The following LZTFL1 variants were observed in gnomAD, a reference collection of about 807,000 sequenced individuals.
The protein encoded by LZTFL1 is leucine zipper transcription factor-like protein 1.
A neutral mutation model predicts 45.9 loss-of-function variants in LZTFL1; 25 were observed. That is an observed-to-expected ratio of 0.54 (90% CI 0.40 to 0.76). The LOEUF (loss-of-function observed/expected upper bound fraction) is 0.76, where lower values mean the gene tolerates loss of function less well. Ranked by LOEUF, LZTFL1 falls within the 30% of genes least tolerant of loss-of-function variation. The pLI, the probability that LZTFL1 is intolerant of heterozygous loss-of-function variation, is 0.00. For synonymous variants in LZTFL1, 93 were observed against 117.4 expected (o/e 0.79, Z 1.35); for missense variants, 277 against 331.1 (o/e 0.84, Z 1.27).
chr3:45,835,735 C>CATTGAGGA lies in LZTFL1; in HGVS notation c.170_177dup (p.Gly60SerfsTer55). 1 of 1,614,064 alleles carries CATTGAGGA rather than the reference C, an allele frequency of 6.2e-7. No homozygotes were observed. Among genetic ancestry groups the CATTGAGGA allele is most frequent in the Non-Finnish European group, 8.5e-7 (1 of 1,179,988 alleles). ...TCACTATGAACCACAGCTTGTAATCCATTGAGGACTTCAGAGACTTCATCT... is the reference window on the plus strand; with the variant it reads ...TCACTATGAACCACAGCTTGTAATCCATTGAGGAATTGAGGACTTCAGAGACTTCATCT... On this transcript the variant is annotated frameshift_variant, in exon 3 of 10. Coordinates refer to ENST00000296135, the MANE Select transcript of LZTFL1 (RefSeq NM_020347.4). LOFTEE classifies it high-confidence loss of function.
intron 2 of LZTFL1, among the ~76,000 whole-genome samples, chr3:45,889,685 T>C (rs1231453120): frequency 1.3e-5 from 2 of 151,764 alleles, no homozygotes; most frequent in South Asian, 2.1e-4. Context: ...TGTCTTTTTC[T>C]ATTTTTTTTT....
chr3:45,830,683 T>C (rs1700789043), intron 7 of LZTFL1, among the ~76,000 whole-genome samples: 1 of 151,736 alleles, frequency 6.6e-6, no homozygotes, highest in Non-Finnish European at 1.5e-5. Flanking sequence ...AAACTGCAGG[T>C]GTGTGAGCTA....
At chr3:45,831,720 TCTC>T (rs1700825951) in intron 5 of LZTFL1, among the ~76,000 whole-genome samples, 2 of 152,128 alleles carry the variant, frequency 1.3e-5, no homozygotes, top group Admixed American at 1.3e-4. Flanking sequence ...CCTGTTCTGT[TCTC>T]CTGCCCAACA....
intron 2 of LZTFL1, among the ~76,000 whole-genome samples, chr3:45,890,152 C>T (rs1702103642): frequency 1.4e-5 from 2 of 147,526 alleles, no homozygotes; most frequent in South Asian, 4.2e-4. Flanking sequence ...ATTCTTTCTT[C>T]TTTTTGTGGT....
chr3:45,828,369 A>G, intron 8 of LZTFL1, 70 bp downstream of exon 8: 1 of 1,332,968 alleles, frequency 7.5e-7, no homozygotes, highest in Non-Finnish European at 1.0e-6. Context: ...TCTTAGCCAC[A>G]TGTATTCCTC....
At chr3:45,841,531 C>A (rs1701113571) in intron 1 of LZTFL1, among the ~76,000 whole-genome samples, 1 of 152,224 alleles carries the variant, frequency 6.6e-6, no homozygotes, top group Non-Finnish European at 1.5e-5. Context: ...GGTTACCGCG[C>A]GCGCGCGTGT....
Position 45,830,989 on chromosome 3 carries a change from G to C in LZTFL1, c.524C>G (p.Ala175Gly). The C allele has an allele frequency of 6.2e-7, 1 of 1,613,410 alleles. No homozygotes were observed. The highest frequency in any genetic ancestry group is 8.5e-7 in the Non-Finnish European group (1 of 1,179,458). The part of the protein sequence containing the change: ...KSRLKTIEIQ[A>G]TNALDEKSKL... ...TGACTTTTCATCCAGTGCATTTGTA[G>C]CCTATAGTGAAGTTTAAACAAAACA... Residue 175 changes from alanine (A) to glycine (G), a missense_variant and splice_region_variant, in exon 7 of 10, where the codon GCT (alanine) becomes GGT (glycine). Transcript: ENST00000296135.
In LZTFL1 at chr3:45,903,723, C is replaced by T. The variant is rs940982424; in HGVS notation, c.-215+9397G>A. Among the ~76,000 whole-genome samples, 14 of 152,352 alleles carry T rather than the reference C, an allele frequency of 9.2e-5. No individual in the cohort carries two copies. The East Asian group carries it at 2.7e-3, about 29-fold the overall frequency. On this transcript the variant is annotated intron_variant, in intron 2 of 4. Transcript: ENST00000472635. ...CAGGCCTTGCTACCCCATCAACATG[C>T]TGCCCGTGAGGGGGCAGTGGGTGGG...
In LZTFL1 at chr3:45,915,011, C is replaced by A. The variant is rs566143842; in HGVS notation, c.-273+410G>T. 2.0e-5 allele frequency among the ~76,000 whole-genome samples: 3 copies of A among 152,208 alleles called. No individual in the cohort carries two copies. In the East Asian group the frequency reaches 5.8e-4, roughly 29 times the overall value. On this transcript the variant is annotated intron_variant, in intron 1 of 4. Transcript: ENST00000472635. ...GCTGCTTGTGAAAGCATGCAGGGCC[C>A]TGTTTGTGAAAGCTTGCAGGGCCCT...
At chr3:45,851,821 C>T in intron 4 of LZTFL1, among the ~76,000 whole-genome samples, 1 of 133,326 alleles carries the variant, frequency 7.5e-6, no homozygotes, top group East Asian at 2.3e-4. Context: ...GCACTCCAGC[C>T]TGGGTGACCC....
At chr3:45,860,316 A>T (rs141862212) in intron 2 of LZTFL1, among the ~76,000 whole-genome samples, 4 of 152,010 alleles carry the variant, frequency 2.6e-5, no homozygotes, top group African/African-American at 9.7e-5. Flanking sequence ...CCATGAGTCT[A>T]TATAGGGATG....
intron 2 of LZTFL1, among the ~76,000 whole-genome samples, chr3:45,868,744 A>G (rs369349439): frequency 2.0e-5 from 3 of 152,138 alleles, no homozygotes; most frequent in East Asian, 3.9e-4. Flanking sequence ...TATTTTCCCA[A>G]CATATTACAG....
intron 1 of LZTFL1, among the ~76,000 whole-genome samples, chr3:45,839,279 G>C (rs564030240): frequency 1.3e-5 from 2 of 152,024 alleles, no homozygotes; most frequent in Non-Finnish European, 2.9e-5. Flanking sequence ...TAGTAGAGAC[G>C]GGGTTTCACC....
intron 4 of LZTFL1, chr3:45,854,892 G>A: frequency 1.2e-6 from 1 of 841,440 alleles, no homozygotes; most frequent in Non-Finnish European, 1.8e-6. Context: ...TACTCTCCTT[G>A]TCCCATTCAT....
At chr3:45,849,815 A>G (rs773941905) in intron 4 of LZTFL1, among the ~76,000 whole-genome samples, 4 of 152,238 alleles carry the variant, frequency 2.6e-5, no homozygotes, top group Non-Finnish European at 5.9e-5. Flanking sequence ...CTTATGTGAT[A>G]TAATTTGGTT....
In LZTFL1 at chr3:45,901,546, T is replaced by C; in HGVS notation, c.-215+11574A>G. 6.2e-7 allele frequency: 1 copy of C among 1,614,220 alleles called. No individual in the cohort carries two copies. The highest frequency in any genetic ancestry group is 8.5e-7 in the Non-Finnish European group (1 of 1,180,032). ...AAGAAGTCTTCCAAGCACAAAGCCC[T>C]AAAAGTGACCATCACTGTCCTGACC... On this transcript the variant is annotated intron_variant, in intron 2 of 4. Transcript: ENST00000472635. The surrounding 1 kb of genome is among the most constrained non-coding windows in gnomAD (Gnocchi z 4.3).
intron 1 of LZTFL1, among the ~76,000 whole-genome samples, chr3:45,913,874 T>C (rs1702847357): frequency 6.6e-6 from 1 of 152,170 alleles, no homozygotes; most frequent in African/African-American, 2.4e-5. Flanking sequence ...GGGAAGGGGA[T>C]GTTTTTCCAC....
intron 4 of LZTFL1, among the ~76,000 whole-genome samples, chr3:45,853,395 G>A (rs933236210): frequency 6.6e-6 from 1 of 152,150 alleles, no homozygotes; most frequent in African/African-American, 2.4e-5. Flanking sequence ...AGAAATTTTG[G>A]TGTGACTTAC....
chr3:45,893,864 C>G (rs1023113417), intron 2 of LZTFL1, among the ~76,000 whole-genome samples: 7 of 152,156 alleles, frequency 4.6e-5, no homozygotes, highest in African/African-American at 1.7e-4. Flanking sequence ...TAAGAAACTG[C>G]CAGTTTTCCA....
Sources: allele counts gnomAD v4.1 joint callset (sites outside exome capture counted in the v4.1 genomes callset), GRCh38; gene constraint gnomAD v4.1.1; non-coding constraint Gnocchi (gnomAD v3.1); transcripts MANE v1.5; gene names NCBI Gene and HGNC (gene_info 2026-07-23, HGNC 2026-07-21).